PITPNC1: variants seen among roughly 807,000 people sequenced by gnomAD.
PITPNC1 encodes the protein phosphatidylinositol transfer protein cytoplasmic 1.
Under a neutral mutation model 44.7 loss-of-function variants are expected in PITPNC1, and 18 were observed. The observed-to-expected ratio is 0.40, with a 90% CI of 0.28 to 0.60. The LOEUF is 0.60. Among genes scored for constraint, PITPNC1 ranks in the 20% least tolerant of loss-of-function variants. The pLI is 0.39. For missense variants in PITPNC1, 290 were observed against 418.4 expected, an observed-to-expected ratio of 0.69 and a Z score of 2.68; for synonymous variants, 141 against 149.6, an observed-to-expected ratio of 0.94 and a Z score of 0.42.
intron 5 of PITPNC1, among the ~76,000 whole-genome samples, chr17:67,618,061 C>T: frequency 6.6e-6 from 1 of 152,014 alleles, no homozygotes; most frequent in Non-Finnish European, 1.5e-5. Context: ...ACTATTGACC[C>T]TATGAAAATG....
At chr17:67,450,196 A>G (rs771191685) in intron 1 of PITPNC1, among the ~76,000 whole-genome samples, 1 of 152,180 alleles carries the variant, frequency 6.6e-6, no homozygotes, top group Admixed American at 6.5e-5. Flanking sequence ...AGTATTTTTC[A>G]AATTAATGTC....
At chr17:67,619,618 C>T (rs1210753750) in intron 5 of PITPNC1, among the ~76,000 whole-genome samples, 1 of 152,132 alleles carries the variant, frequency 6.6e-6, no homozygotes, top group African/African-American at 2.4e-5. Flanking sequence ...GCACAGTGCC[C>T]GCAGATGATG....
chr17:67,596,348 TG>T (rs1285178145), intron 5 of PITPNC1, among the ~76,000 whole-genome samples: 1 of 152,050 alleles, frequency 6.6e-6, no homozygotes, highest in Non-Finnish European at 1.5e-5. Flanking sequence ...ATGTCTTTAT[TG>T]GGGGCTTTTG....
At chr17:67,472,331 C>CT (rs1214104842) in intron 1 of PITPNC1, among the ~76,000 whole-genome samples, 2 of 24,730 alleles carry the variant, frequency 8.1e-5, no homozygotes, top group African/African-American at 1.4e-4. Context: ...AGCTGTTGAG[C>CT]TAAAAAAAAA....
At chr17:67,489,835 C>G (rs1229029440) in intron 1 of PITPNC1, among the ~76,000 whole-genome samples, 1 of 152,088 alleles carries the variant, frequency 6.6e-6, no homozygotes, top group Non-Finnish European at 1.5e-5. Flanking sequence ...CCTCTTCCTG[C>G]CAGGTTCTAG....
intron 4 of PITPNC1, among the ~76,000 whole-genome samples, chr17:67,564,654 A>G (rs1474327726): frequency 6.6e-6 from 1 of 152,192 alleles, no homozygotes; most frequent in Non-Finnish European, 1.5e-5. Flanking sequence ...ATTAACCATC[A>G]TAGTGTTCTT....
chr17:67,463,774 C>T (rs973634144), intron 1 of PITPNC1, among the ~76,000 whole-genome samples: 1 of 151,906 alleles, frequency 6.6e-6, no homozygotes, highest in Non-Finnish European at 1.5e-5. Flanking sequence ...CATGGTGGTG[C>T]ACACCTGTGG....
chr17:67,648,047 T>C (rs1224105871), intron 6 of PITPNC1, among the ~76,000 whole-genome samples: 1 of 152,208 alleles, frequency 6.6e-6, no homozygotes, highest in Non-Finnish European at 1.5e-5. Flanking sequence ...TGGAAATATT[T>C]TATTGTCTTC....
chr17:67,428,799 AAAAC>A (rs545515413), intron 1 of PITPNC1, among the ~76,000 whole-genome samples: 1 of 151,736 alleles, frequency 6.6e-6, no homozygotes, highest in Non-Finnish European at 1.5e-5. Context: ...TTATAAACTT[AAAAC>A]AAACATTAGT....
chr17:67,624,132 G>A (rs902606301), intron 5 of PITPNC1, among the ~76,000 whole-genome samples: 6 of 151,114 alleles, frequency 4.0e-5, no homozygotes, highest in Non-Finnish European at 5.9e-5. Context: ...TATTTTTCTT[G>A]ACATTATAAT....
At chr17:67,466,225 G>A (rs1401133057) in intron 1 of PITPNC1, among the ~76,000 whole-genome samples, 5 of 150,878 alleles carry the variant, frequency 3.3e-5, no homozygotes, top group African/African-American at 9.8e-5. Context: ...CGCGTCTCAC[G>A]ATGTTGTCCA....
intron 7 of PITPNC1, among the ~76,000 whole-genome samples, chr17:67,675,083 C>T (rs2144411519): frequency 6.6e-6 from 1 of 151,394 alleles, no homozygotes; most frequent in African/African-American, 2.4e-5. Context: ...GACCTCCTGG[C>T]ACCAGTGAGA....
chr17:67,425,373 C>CT (rs1437929274), intron 1 of PITPNC1, among the ~76,000 whole-genome samples: 1 of 151,820 alleles, frequency 6.6e-6, no homozygotes, highest in African/African-American at 2.4e-5. Flanking sequence ...TAAACCCTTG[C>CT]TATGGGCAAG....
intron 1 of PITPNC1, among the ~76,000 whole-genome samples, chr17:67,380,679 A>G (rs2037945151): frequency 6.6e-6 from 1 of 152,180 alleles, no homozygotes; most frequent in Non-Finnish European, 1.5e-5. Flanking sequence ...AGTCTCCACC[A>G]TCCCCTTTTC....
chr17:67,631,358 G>A lies in PITPNC1; in HGVS notation c.367-785G>A, dbSNP rs549017977. ...TATATAAAAATATATGGCCGGGCGC[G>A]GTGGCTCACGCCTGTAATCCCAGCA... On this transcript the variant is annotated intron_variant, in intron 5 of 8. Transcript: ENST00000581322. 9.4e-5 allele frequency among the ~76,000 whole-genome samples: 14 copies of A among 149,364 alleles called. No homozygotes were observed. In the South Asian group the frequency reaches 2.7e-3, roughly 29 times the overall value.
At chr17:67,435,090 C>T (rs1172689449) in intron 1 of PITPNC1, among the ~76,000 whole-genome samples, 3 of 121,678 alleles carry the variant, frequency 2.5e-5, no homozygotes, top group Non-Finnish European at 4.8e-5. Flanking sequence ...GCCTGGGTGA[C>T]AGAGCGAGAC....
chr17:67,597,721 A>G lies in PITPNC1; in HGVS notation c.366+19464A>G, dbSNP rs1299628674. 1.3e-5 allele frequency among the ~76,000 whole-genome samples: 2 copies of G among 152,186 alleles called. No homozygotes were observed. The highest frequency in any genetic ancestry group is 1.3e-4 in the Admixed American group (2 of 15,282). ...AACATTTGTTAAACATCTATTCGGC[A>G]CCAGGGGTTGTTAGGCTGGTGGAAG... On this transcript the variant is annotated intron_variant, in intron 5 of 8. Transcript: ENST00000581322. The surrounding 1 kb of genome is among the most constrained non-coding windows in gnomAD (Gnocchi z 4.0).
intron 1 of PITPNC1, among the ~76,000 whole-genome samples, chr17:67,506,483 A>G (rs886227350): frequency 6.6e-6 from 1 of 152,160 alleles, no homozygotes; most frequent in Non-Finnish European, 1.5e-5. Context: ...CTTTTAATTG[A>G]CACAAATTTA....
chr17:67,509,839 G>A (rs1448189291), intron 1 of PITPNC1, among the ~76,000 whole-genome samples: 2 of 152,076 alleles, frequency 1.3e-5, no homozygotes, highest in East Asian at 1.9e-4. Flanking sequence ...TTATTTGGGG[G>A]AATTTTGGGT....
Sources: gnomAD v4.1 joint callset for allele counts (sites outside exome capture counted in the v4.1 genomes callset) on GRCh38, gnomAD v4.1.1 for gene constraint, Gnocchi (gnomAD v3.1) non-coding constraint, MANE v1.5 for transcripts, NCBI Gene and HGNC (gene_info 2026-07-23, HGNC 2026-07-21) for gene names.